ERAP1: variants seen among roughly 807,000 people sequenced by gnomAD.
The protein encoded by ERAP1 is endoplasmic reticulum aminopeptidase 1.
In ERAP1, 86 loss-of-function variants were observed where a neutral mutation model predicts 103.7. The ratio of observed to expected loss-of-function variants is 0.83; its 90% CI spans 0.70 to 0.99. ERAP1 has a LOEUF of 0.99. ERAP1 is among the 50% of genes least tolerant of loss of function. The pLI, the probability that ERAP1 is intolerant of heterozygous loss-of-function variation, is 0.00. For synonymous variants in ERAP1, 398 were observed against 402.4 expected, an observed-to-expected ratio of 0.99 and a Z score of 0.13; for missense variants, 1,009 against 1,128.4, an observed-to-expected ratio of 0.89 and a Z score of 1.52.
the ERAP1 span, chr5:96,901,460 G>C: frequency 6.3e-7 from 1 of 1,589,772 alleles, no homozygotes; most frequent in Non-Finnish European, 8.6e-7. Flanking sequence ...TCTGTCTTTG[G>C]ATTGTCTCCT....
At chr5:96,866,410 C>A in the ERAP1 span, among the ~76,000 whole-genome samples, 1 of 152,200 alleles carries the variant, frequency 6.6e-6, no homozygotes, top group Non-Finnish European at 1.5e-5. Context: ...AAAAACACAT[C>A]TGTGTGGAAA....
At chr5:96,931,206 G>C in the ERAP1 span, among the ~76,000 whole-genome samples, 1,373 of 151,774 alleles carry the variant, frequency 9.0e-3, 29 homozygotes, top group East Asian at 0.064. Flanking sequence ...GCCCAGGCTG[G>C]AGTGCAGTGG....
the ERAP1 span, among the ~76,000 whole-genome samples, chr5:96,891,535 TACACACAC>T: frequency 3.1e-3 from 425 of 138,976 alleles, 6 homozygotes; most frequent in African/African-American, 0.01. Flanking sequence ...ACGGTATATA[TACACACAC>T]ACACACACAC....
chr5:96,773,801 T>C (rs1049707156), downstream of ERAP1: 11 of 152,314 alleles, frequency 7.2e-5, no homozygotes, highest in Non-Finnish European at 1.5e-4. Flanking sequence ...AGATGTCAGG[T>C]ACATAACATA....
At chr5:96,808,269 C>A (rs1424299733), upstream of ERAP1, 1 of 786,834 alleles carries the variant, frequency 1.3e-6, no homozygotes, top group South Asian at 6.2e-5. Flanking sequence ...TGTTGAGATG[C>A]TTTTTGTTTT....
the ERAP1 span, among the ~76,000 whole-genome samples, chr5:96,856,365 T>TATATAGAGAGAGAGAGAGAG: frequency 4.4e-4 from 9 of 20,376 alleles, no homozygotes; most frequent in Non-Finnish European, 8.9e-4. Context: ...TATATATATA[T>TATATAGAGAGAGAGAGAGAG]AGAGAGAGAG....
At chr5:96,856,330 A>C in the ERAP1 span, among the ~76,000 whole-genome samples, 1 of 28,948 alleles carries the variant, frequency 3.5e-5, no homozygotes, top group Non-Finnish European at 7.3e-5. Flanking sequence ...AAAAAAAAAA[A>C]AAAAAAAAAA....
chr5:96,879,884 C>G, the ERAP1 span: 1 of 1,614,180 alleles, frequency 6.2e-7, no homozygotes, highest in Non-Finnish European at 8.5e-7. Flanking sequence ...TTGGCAGGAG[C>G]TAAGGCTCCC....
At chr5:96,766,319 A>G (rs1366166215) in intron 19 of ERAP1, among the ~76,000 whole-genome samples, 1 of 152,228 alleles carries the variant, frequency 6.6e-6, no homozygotes, top group Non-Finnish European at 1.5e-5. Flanking sequence ...ATTTGAGCCA[A>G]TATCATTATA....
At chr5:96,933,703 A>G in the ERAP1 span, among the ~76,000 whole-genome samples, 5,779 of 152,306 alleles carry the variant, frequency 0.038, 191 homozygotes, top group Middle Eastern at 0.12. Context: ...AGTGTTTTAA[A>G]TATCTCCTAT....
the ERAP1 span, chr5:96,896,733 G>C: frequency 6.4e-7 from 1 of 1,568,366 alleles, no homozygotes; most frequent in Non-Finnish European, 8.6e-7. Context: ...TTTTTAAAGG[G>C]AGCTTGTATT....
chr5:96,775,423 G>T lies in ERAP1; in HGVS notation c.*973C>A. The T allele has an allele frequency of 1.0e-6, 1 of 985,514 alleles. No homozygotes were observed. The highest frequency in any genetic ancestry group is 1.2e-6 in the Non-Finnish European group (1 of 829,906). The allele number at this position is 985,514 out of a possible 1,614,324, so 61.0% of individuals were successfully genotyped here. A position where few individuals can be genotyped will look rare whatever the true frequency, so the allele number is the denominator to read the frequency against. ...AGAAATTGTAAAGTAGGCCAAATAA[G>T]AAGCAGAGAGAGAAAAAAAATCACC... On this transcript the variant is annotated 3_prime_UTR_variant, in exon 19 of 19. Transcript: ENST00000443439.
At position 96,783,106 on chromosome 5, in the gene ERAP1, C is replaced by G. The variant is rs370949768; in HGVS notation, c.2230G>C (p.Val744Leu). 6.2e-7 allele frequency: 1 copy of G among 1,614,166 alleles called. No homozygotes were observed. Among genetic ancestry groups the G allele is most frequent in the South Asian group, 1.1e-5 (1 of 91,090 alleles). Reference sequence around the variant, plus strand: ...CTGAAATAGCCTTCTGCCCTCTGTACGCACGGCTGATAGTTGTGCACACAG... The same window carrying G: ...CTGAAATAGCCTTCTGCCCTCTGTAGGCACGGCTGATAGTTGTGCACACAG... ...LACVHNYQPC[V>L]QRAEGYFRKW... Residue 744 changes from valine (V) to leucine (L), a missense_variant, in exon 15 of 19, where the codon GTA (valine) becomes CTA (leucine). Physicochemically the swap from Val to Leu is conservative, Grantham distance 32. Around this residue, in one of 3 missense-constraint regions of ERAP1, gnomAD observed 611 missense variants for 651.7 expected, o/e 0.94. Coordinates refer to ENST00000443439, the MANE Select transcript of ERAP1 (RefSeq NM_001040458.3).
intron 1 of ERAP1, 83 bp from the exon 2 acceptor site, chr5:96,804,026 A>G: frequency 6.7e-7 from 1 of 1,482,028 alleles, no homozygotes; most frequent in Non-Finnish European, 9.2e-7. Flanking sequence ...GTATCCACCC[A>G]GCATTCACAG....
At chr5:96,892,039 A>G in the ERAP1 span, among the ~76,000 whole-genome samples, 4 of 152,156 alleles carry the variant, frequency 2.6e-5, no homozygotes, top group African/African-American at 7.2e-5. Context: ...AGAGTTCAGC[A>G]CTTTCAGGAA....
chr5:96,797,292 A>C lies in ERAP1; in HGVS notation c.681T>G (p.Val227=), dbSNP rs111940602. 1.2e-6 allele frequency: 2 copies of C among 1,614,198 alleles called. No individual in the cohort carries two copies. Among genetic ancestry groups the C allele is most frequent in the Non-Finnish European group, 1.7e-6 (2 of 1,180,022 alleles). Residue 227 remains valine (V), a synonymous_variant, in exon 4 of 19, where the codon GTT becomes GTG. Transcript: ENST00000443439. ...AATGGTCTTCTATGAGTCCTTCAGC[A>C]ACAGTCACAGATTTCACCTAAAATC... ...SNMPLVKSVT[V]AEGLIEDHFD...
At chr5:96,811,805 G>A (rs1779173670), upstream of ERAP1, among the ~76,000 whole-genome samples, 1 of 152,180 alleles carries the variant, frequency 6.6e-6, no homozygotes, top group South Asian at 2.1e-4. Context: ...CTGATCACAT[G>A]TTTCCCATTT....
the ERAP1 span, among the ~76,000 whole-genome samples, chr5:96,845,064 G>A: frequency 6.6e-6 from 1 of 152,076 alleles, no homozygotes; most frequent in Non-Finnish European, 1.5e-5. Flanking sequence ...TGTTTAATAC[G>A]ATAAACTATG....
At position 96,793,789 on chromosome 5, in the gene ERAP1, G is replaced by T; in HGVS notation, c.1074+14C>A. 1 of 1,607,204 alleles carries T rather than the reference G, an allele frequency of 6.2e-7. No individual in the cohort carries two copies. The highest frequency in any genetic ancestry group is 1.1e-5 in the South Asian group (1 of 90,740). On this transcript the variant is annotated intron_variant, in intron 6 of 18. Transcript: ENST00000443439. ...GTAGTTTATACTTTATTAAAAGTGT[G>T]AATGAGCTTATACCTGGTGAGCCAG...
Sources: gnomAD v4.1 joint callset for allele counts (sites outside exome capture counted in the v4.1 genomes callset) on GRCh38, gnomAD v4.1.1 for gene constraint, gnomAD v4.1.1 regional missense constraint, MANE v1.5 for transcripts, NCBI Gene and HGNC (gene_info 2026-07-23, HGNC 2026-07-21) for gene names.